SGMS2: variants seen among roughly 807,000 people sequenced by gnomAD.
The protein encoded by SGMS2 is sphingomyelin synthase 2.
SGMS2 carries 21 observed loss-of-function variants against 43.8 expected under a neutral mutation model. The observed-to-expected ratio is 0.48, with a 90% confidence interval of 0.34 to 0.69. The LOEUF is 0.69. Ranked by LOEUF, SGMS2 falls within the 30% of genes least tolerant of loss-of-function variation. The probability of loss-of-function intolerance (pLI) is 0.01; values close to 1 mark genes in which losing one functional copy is unlikely to be tolerated. For synonymous variants in SGMS2, 167 were observed against 160.6 expected (o/e 1.04, Z -0.30); for missense variants, 384 against 443.2 (o/e 0.87, Z 1.20).
At chr4:107,886,364 A>ATTTT (rs67228519) in intron 2 of SGMS2, among the ~76,000 whole-genome samples, 5 of 106,268 alleles carry the variant, frequency 4.7e-5, no homozygotes, top group Admixed American at 1.1e-4. Flanking sequence ...CACCCAGCTA[A>ATTTT]TTTTTTTTTT....
At position 107,891,108 on chromosome 4, in the gene SGMS2, T is replaced by C. The variant is rs556161293; in HGVS notation, c.-244-4202T>C. ...TTCTTTCCTTTTTTTTCTTTTTTTT[T>C]CCTTTTTCTGGCTGTTTTTCTCCCC... is the stretch of plus-strand genomic sequence containing the variant. On this transcript the variant is annotated intron_variant, in intron 2 of 6. Coordinates refer to ENST00000690982, the MANE Select transcript of SGMS2 (RefSeq NM_001375905.1). Among the ~76,000 whole-genome samples, 44 of 119,022 alleles carry C rather than the reference T, an allele frequency of 3.7e-4. 1 individual carries two copies. The South Asian group carries it at 9.9e-3, about 27-fold the overall frequency. 78.1% of individuals were successfully genotyped at this position (119,022 alleles called of 152,430 possible).
At chr4:107,891,039 G>T (rs1044131842) in intron 2 of SGMS2, among the ~76,000 whole-genome samples, 2 of 151,966 alleles carry the variant, frequency 1.3e-5, no homozygotes, top group Non-Finnish European at 2.9e-5. Flanking sequence ...CAAAAAGGTG[G>T]CTTTGTTATG....
Position 107,908,543 on chromosome 4 carries a change from C to G in SGMS2, c.728-22C>G, listed in dbSNP as rs748899544. ...TTCATCTCTGGGAATCTTATTAACTCTGTAATTTTTCTACTGTCCAGATTC... is the reference window on the plus strand; with the variant it reads ...TTCATCTCTGGGAATCTTATTAACTGTGTAATTTTTCTACTGTCCAGATTC... On this transcript the variant is annotated intron_variant, in intron 5 of 6. Coordinates refer to ENST00000690982, the MANE Select transcript of SGMS2 (RefSeq NM_001375905.1). 6 of 1,605,492 alleles carry G rather than the reference C, an allele frequency of 3.7e-6. No homozygotes were observed. The Admixed American group carries it at 1.0e-4, about 27-fold the overall frequency.
Position 107,914,657 on chromosome 4 carries a change from G to T in SGMS2, c.*4104G>T, listed in dbSNP as rs747517776. The T allele has an allele frequency of 7.9e-5, 12 of 151,998 alleles. No homozygotes were observed. The highest frequency in any genetic ancestry group is 5.2e-4 in the Admixed American group (8 of 15,250). The allele number at this position is 151,998 out of a possible 1,614,324, so 9.4% of individuals were successfully genotyped here. ...CTGTATGCTATTGTGATAGTTTTAT[G>T]AAATGCTTACATTTTAATCAAATAT... On this transcript the variant is annotated 3_prime_UTR_variant, in exon 7 of 7. Transcript: ENST00000690982.
chr4:107,911,935 C>T lies in SGMS2; in HGVS notation c.*1382C>T, dbSNP rs564949004. On this transcript the variant is annotated 3_prime_UTR_variant, in exon 7 of 7. Coordinates refer to ENST00000690982, the MANE Select transcript of SGMS2 (RefSeq NM_001375905.1). ...AGGTTAATTTGCAAGACTTTTAAAA[C>T]CTTAGAAAAGTTTTAAGGTTGCAAA... The T allele has an allele frequency of 3.8e-4, 58 of 152,218 alleles. 1 individual carries two copies. Among genetic ancestry groups the T allele is most frequent in the African/African-American group, 1.4e-3 (57 of 41,540 alleles). The allele number at this position is 152,218 out of a possible 1,614,324, so 9.4% of individuals were successfully genotyped here. A position where few individuals can be genotyped will look rare whatever the true frequency, so the allele number is the denominator to read the frequency against.
intron 2 of SGMS2, among the ~76,000 whole-genome samples, chr4:107,868,578 C>T (rs900844966): frequency 4.6e-5 from 7 of 151,906 alleles, no homozygotes; most frequent in African/African-American, 1.5e-4. Context: ...ATCAGCTGGG[C>T]GTTGTGGTGG....
At position 107,895,601 on chromosome 4, in the gene SGMS2, A is replaced by G; in HGVS notation, c.48A>G (p.Gln16=). ...AACTTGAAGAACATTTGGAAAATCA[A>G]CCCAGTGATCCTACGAACACTTATG... The part of the protein sequence containing the change: ...TAKLEEHLEN[Q]PSDPTNTYAR... The change falls in exon 3 of 7, where the codon CAA becomes CAG. Residue 16 remains glutamine (Q), a synonymous_variant. Transcript: ENST00000690982. 6.2e-7 allele frequency: 1 copy of G among 1,613,986 alleles called. No individual in the cohort carries two copies. Among genetic ancestry groups the G allele is most frequent in the Non-Finnish European group, 8.5e-7 (1 of 1,179,920 alleles).
At chr4:107,854,829 A>T (rs1219595526) in intron 1 of SGMS2, among the ~76,000 whole-genome samples, 1 of 152,172 alleles carries the variant, frequency 6.6e-6, no homozygotes, top group African/African-American at 2.4e-5. Context: ...CTATCAAGTG[A>T]CGTCATATGG....
chr4:107,840,230 A>G (rs7664322), intron 1 of SGMS2, among the ~76,000 whole-genome samples: 6,163 of 152,268 alleles, frequency 0.04, 424 homozygotes, highest in African/African-American at 0.14. Flanking sequence ...TGTTGTAAGC[A>G]AGTCAAAAGA....
At chr4:107,870,555 A>G (rs1728487012) in intron 2 of SGMS2, among the ~76,000 whole-genome samples, 1 of 152,056 alleles carries the variant, frequency 6.6e-6, no homozygotes, top group Non-Finnish European at 1.5e-5. Flanking sequence ...TCCTTTAAAG[A>G]TACCCGCCAT....
At chr4:107,845,617 C>A (rs758849528) in intron 1 of SGMS2, among the ~76,000 whole-genome samples, 23 of 152,116 alleles carry the variant, frequency 1.5e-4, no homozygotes, top group Non-Finnish European at 2.8e-4. Flanking sequence ...GCTACTAAAC[C>A]CTTTAATTAG....
At chr4:107,881,784 C>T (rs1729375808) in intron 2 of SGMS2, among the ~76,000 whole-genome samples, 1 of 152,160 alleles carries the variant, frequency 6.6e-6, no homozygotes, top group South Asian at 2.1e-4. Context: ...TTCCCAGCCT[C>T]TGGTAACCAT....
chr4:107,913,288 T>C lies in SGMS2; in HGVS notation c.*2735T>C, dbSNP rs1732241762. ...ATGAAATTCTCTCAGATTCTAGTTT[T>C]TGAGCTTGTCCACTAGATCTGAAAA... On this transcript the variant is annotated 3_prime_UTR_variant, in exon 7 of 7. Coordinates refer to ENST00000690982, the MANE Select transcript of SGMS2 (RefSeq NM_001375905.1). 6.6e-6 allele frequency: 1 copy of C among 152,184 alleles called. No homozygotes were observed. The highest frequency in any genetic ancestry group is 1.5e-5 in the Non-Finnish European group (1 of 68,022). The allele number at this position is 152,184 out of a possible 1,614,324, so 9.4% of individuals were successfully genotyped here. A position where few individuals can be genotyped will look rare whatever the true frequency, so the allele number is the denominator to read the frequency against.
At chr4:107,829,786 G>A (rs774889266) in intron 1 of SGMS2, among the ~76,000 whole-genome samples, 41 of 151,920 alleles carry the variant, frequency 2.7e-4, no homozygotes, top group Non-Finnish European at 5.1e-4. Context: ...TGTTGCCCAG[G>A]CTGGTCTTGA....
intron 2 of SGMS2, among the ~76,000 whole-genome samples, chr4:107,869,667 T>A (rs778278129): frequency 1.8e-4 from 27 of 151,882 alleles, no homozygotes; most frequent in Non-Finnish European, 3.4e-4. Flanking sequence ...GGCATTAGGG[T>A]CATGTTGGGG....
intron 1 of SGMS2, among the ~76,000 whole-genome samples, chr4:107,834,353 A>T (rs913170772): frequency 3.9e-5 from 6 of 152,202 alleles, no homozygotes; most frequent in African/African-American, 1.2e-4. Context: ...TGACAGTACC[A>T]AGGTTTCCAG....
intron 2 of SGMS2, among the ~76,000 whole-genome samples, chr4:107,884,119 A>G (rs764706603): frequency 5.9e-5 from 9 of 152,088 alleles, no homozygotes; most frequent in Middle Eastern, 3.2e-3. Context: ...CATTTTTCCT[A>G]ATTTGAAGTC....
At chr4:107,874,223 G>A (rs984966733) in intron 2 of SGMS2, 2 of 152,168 alleles carry the variant, frequency 1.3e-5, no homozygotes, top group Non-Finnish European at 2.9e-5. Context: ...TGTGCCAGCA[G>A]CCACCAAAGC....
At chr4:107,842,948 A>T (rs6841076) in intron 1 of SGMS2, among the ~76,000 whole-genome samples, 76,202 of 151,548 alleles carry the variant, frequency 0.5, 20,267 homozygotes, top group African/African-American at 0.62. Context: ...TTCTAAATGA[A>T]TTAGTAGGAA....
Sources: allele counts gnomAD v4.1 joint callset (sites outside exome capture counted in the v4.1 genomes callset), GRCh38; gene constraint gnomAD v4.1.1; transcripts MANE v1.5; gene names NCBI Gene and HGNC (gene_info 2026-07-23, HGNC 2026-07-21).